Variants in ABCA2 observed in about 807,000 individuals in gnomAD.
The protein encoded by ABCA2 is ATP-binding cassette sub-family A member 2.
In ABCA2, 84 loss-of-function variants were observed where a neutral mutation model predicts 262.8. The observed-to-expected ratio is 0.32, with a 90% confidence interval of 0.27 to 0.38. ABCA2 has a LOEUF of 0.38. ABCA2 is among the 10% of genes least tolerant of loss of function. The pLI is 1.00. For missense variants in ABCA2, 2,662 were observed against 3,405.9 expected (o/e 0.78, Z 5.44); for synonymous variants, 1,696 against 1,502.9 (o/e 1.13, Z -2.97).
chr9:137,022,921 A>C lies in ABCA2; in HGVS notation c.275+20T>G. On this transcript the variant is annotated intron_variant, in intron 4 of 48. Transcript: ENST00000341511. ...GGGCTGGGGAGGGGTGGGTGCTCCG[A>C]GGGGCGGGTGGGCACTCACGTGGAG... is the stretch of plus-strand genomic sequence containing the variant. 6.9e-6 allele frequency: 2 copies of C among 291,718 alleles called. No homozygotes were observed. The highest frequency in any genetic ancestry group is 1.2e-5 in the Non-Finnish European group (2 of 170,976). The allele number at this position is 291,718 out of a possible 1,614,324, so 18.1% of individuals were successfully genotyped here.
Position 137,014,025 on chromosome 9 carries a change from C to A in ABCA2, c.4254G>T (p.Glu1418Asp). Residue 1418 changes from glutamate (E) to aspartate (D), a missense_variant, in exon 28 of 49, where the codon GAG becomes GAT. Physicochemically the swap from Glu to Asp is conservative, Grantham distance 45. This residue lies in a region of ABCA2 where 297 missense variants were observed against 286.5 expected (regional missense o/e 1.04). Coordinates refer to ENST00000341511, the MANE Select transcript of ABCA2 (RefSeq NM_001606.5). ...TGCCCTGGCCGACCCTCGACAGGGC[C>A]TCTGCCTCCACCTCTGTGCAGAGAG... is the stretch of plus-strand genomic sequence containing the variant. The part of the protein sequence containing the change: ...DNVSLQEVEA[E>D]ALSRVGQGSR... 1.2e-6 allele frequency: 2 copies of A among 1,611,100 alleles called. No individual in the cohort carries two copies. Among genetic ancestry groups the A allele is most frequent in the Non-Finnish European group, 1.7e-6 (2 of 1,179,820 alleles).
intron 14 of ABCA2, 27 bp downstream of exon 14, chr9:137,018,151 A>G: frequency 6.2e-7 from 1 of 1,610,570 alleles, no homozygotes; most frequent in Non-Finnish European, 8.5e-7. Context: ...TGAATCCTCC[A>G]GCCGGTCTTC....
intron 48 of ABCA2, 66 bp downstream of exon 48, chr9:137,008,350 G>A: frequency 1.3e-6 from 2 of 1,531,890 alleles, no homozygotes. Flanking sequence ...ACCCGCGGCT[G>A]GAGCCACCAG....
Position 137,019,340 on chromosome 9 carries a change from G to T in ABCA2, c.1426-34C>A. On this transcript the variant is annotated intron_variant, in intron 10 of 48. Transcript: ENST00000341511. The surrounding 1 kb of genome is among the most constrained non-coding windows in gnomAD (Gnocchi z 4.4). ...GGTGAGGCAGGGGCATGGAGTTTCT[G>T]GACGGACCCCCACCGACTTGGGGGC... 3 of 1,606,638 alleles carry T rather than the reference G, an allele frequency of 1.9e-6. No individual in the cohort carries two copies. The Admixed American group carries it at 5.0e-5, about 27-fold the overall frequency.
In ABCA2 at chr9:137,028,186, G is replaced by C; in HGVS notation, c.-46C>G. On this transcript the variant is annotated 5_prime_UTR_variant, in exon 1 of 49. Coordinates refer to ENST00000341511, the MANE Select transcript of ABCA2 (RefSeq NM_001606.5). The surrounding 1 kb of genome is among the most constrained non-coding windows in gnomAD (Gnocchi z 6.9). ...CCTCAGCGCCGCGGCCCGCTCCTCTGCGCGCCCCGCCGGGCCCCGCAGCCC... is the reference window on the plus strand; with the variant it reads ...CCTCAGCGCCGCGGCCCGCTCCTCTCCGCGCCCCGCCGGGCCCCGCAGCCC... The C allele has an allele frequency of 1.0e-6, 1 of 980,180 alleles. No individual in the cohort carries two copies. The highest frequency in any genetic ancestry group is 1.2e-6 in the Non-Finnish European group (1 of 827,836). The allele number at this position is 980,180 out of a possible 1,614,324, so 60.7% of individuals were successfully genotyped here.
rs772145705 is a variant in ABCA2 at position 137,016,385 on chromosome 9, T to G, written c.3010A>C (p.Lys1004Gln). The part of the protein sequence containing the change: ...DKLTKVYKDD[K>Q]KLALNKLSLN... Reference sequence around the variant, plus strand: ...CTCAGCTTGTTCAGGGCCAGCTTCTTGTCGTCCTTGTAGACCTTGGTGAGT... The same window carrying G: ...CTCAGCTTGTTCAGGGCCAGCTTCTGGTCGTCCTTGTAGACCTTGGTGAGT... Residue 1004 changes from lysine (K) to glutamine (Q), a missense_variant, in exon 21 of 49, where the codon AAG (lysine) becomes CAG (glutamine). Around this residue, in one of 12 missense-constraint regions of ABCA2, gnomAD observed 133 missense variants for 150.8 expected, o/e 0.88. Transcript: ENST00000341511. 2.5e-5 allele frequency: 40 copies of G among 1,612,924 alleles called. No homozygotes were observed. In the Middle Eastern group the frequency reaches 2.8e-3, roughly 113 times the overall value.
Position 137,015,104 on chromosome 9 carries a change from G to A in ABCA2, c.3698-7C>T. ...CTGGATGCCAGCCCTGGCTCTGTGG[G>A]GGACGTGGGAGCAGGAAGGAATTCA... On this transcript the variant is annotated splice_region_variant and splice_polypyrimidine_tract_variant and intron_variant, in intron 24 of 48. Transcript: ENST00000341511. 2 of 1,568,884 alleles carry A rather than the reference G, an allele frequency of 1.3e-6. No individual in the cohort carries two copies. Among genetic ancestry groups the A allele is most frequent in the Non-Finnish European group, 8.6e-7 (1 of 1,160,472 alleles).
chr9:137,018,857 C>A (rs201611333), intron 12 of ABCA2, 42 bp from the exon 13 acceptor site: 3 of 1,612,364 alleles, frequency 1.9e-6, no homozygotes, highest in Non-Finnish European at 2.5e-6. Flanking sequence ...TGGGCATGTG[C>A]GAGGCAGGGG....
chr9:137,019,427 T>A lies in ABCA2; in HGVS notation c.1426-121A>T. The A allele has an allele frequency of 6.3e-6, 6 of 948,192 alleles. No homozygotes were observed. Among genetic ancestry groups the A allele is most frequent in the Non-Finnish European group, 8.7e-6 (6 of 691,060 alleles). The allele number at this position is 948,192 out of a possible 1,614,324, so 58.7% of individuals were successfully genotyped here. A position where few individuals can be genotyped will look rare whatever the true frequency, so the allele number is the denominator to read the frequency against. On this transcript the variant is annotated intron_variant, in intron 10 of 48. Transcript: ENST00000341511. This position sits in a 1 kb window ranked among gnomAD's most constrained non-coding sequence, Gnocchi z 4.4. Reference sequence around the variant, plus strand: ...GCCAACAACTAACCCTCCCCACCTTTTTTTTTTTTTTTTTCCTGAGACAGG... The same window carrying A: ...GCCAACAACTAACCCTCCCCACCTTATTTTTTTTTTTTTTCCTGAGACAGG...
rs373472724 is a variant in ABCA2 at position 137,015,080 on chromosome 9, T to C, written c.3715A>G (p.Ser1239Gly). ...CTCAGCGGGGCCCGACCTGGGGGGCTGGATGCCAGCCCTGGCTCTGTGGGG... is the reference window on the plus strand; with the variant it reads ...CTCAGCGGGGCCCGACCTGGGGGGCCGGATGCCAGCCCTGGCTCTGTGGGG... ...GGPQEPGLASSPPGRAPLSSC... is the reference protein window; with the variant it reads ...GGPQEPGLASGPPGRAPLSSC... Residue 1239 changes from serine (S) to glycine (G), a missense_variant, in exon 25 of 49, where the codon AGC becomes GGC. Around this residue, in one of 12 missense-constraint regions of ABCA2, gnomAD observed 297 missense variants for 286.5 expected, o/e 1.04. Transcript: ENST00000341511. 11 of 1,593,702 alleles carry C rather than the reference T, an allele frequency of 6.9e-6. No individual in the cohort carries two copies. The Admixed American group carries it at 1.1e-4, about 15-fold the overall frequency.
chr9:137,015,813 C>T lies in ABCA2; in HGVS notation c.3376G>A (p.Gly1126Ser). The T allele has an allele frequency of 6.2e-7, 1 of 1,612,334 alleles. No individual in the cohort carries two copies. Among genetic ancestry groups the T allele is most frequent in the Non-Finnish European group, 8.5e-7 (1 of 1,179,776 alleles). The change falls in exon 23 of 49, where the codon GGT becomes AGT. Residue 1126 changes from glycine to serine, a missense_variant. This residue lies in a region of ABCA2 where 180 missense variants were observed against 307.3 expected (regional missense o/e 0.59). Transcript: ENST00000341511. ...KRHSLVQTLS[G>S]GMKRKLSVAI... ...ACGGACAGCTTGCGCTTCATGCCACCCGACAATGTCTGCACCAGTGAGTGC... is the reference window on the plus strand; with the variant it reads ...ACGGACAGCTTGCGCTTCATGCCACTCGACAATGTCTGCACCAGTGAGTGC...
Position 137,020,767 on chromosome 9 carries a change from T to C in ABCA2, c.1192A>G (p.Thr398Ala). Residue 398 changes from threonine to alanine, a missense_variant, in exon 9 of 49, where the codon ACG becomes GCG. By Grantham distance (58) the Thr-to-Ala change is moderately conservative. Transcript: ENST00000341511. The stretch of plus-strand genomic sequence containing the variant: ...AAGGCTGAGCACTGGCCCTGCAGCG[T>C]GTCCGGGGTGGCCAGTGCTGCAGCA... ...PSAAALATPDTLQGQCSAFVQ... is the reference protein window; with the variant it reads ...PSAAALATPDALQGQCSAFVQ... 1 of 1,597,126 alleles carries C rather than the reference T, an allele frequency of 6.3e-7. No individual in the cohort carries two copies. The highest frequency in any genetic ancestry group is 8.5e-7 in the Non-Finnish European group (1 of 1,175,012).
Position 137,008,606 on chromosome 9 carries a change from G to A in ABCA2, c.7085C>T (p.Ala2362Val). 6.3e-7 allele frequency: 1 copy of A among 1,582,772 alleles called. No homozygotes were observed. The highest frequency in any genetic ancestry group is 8.6e-7 in the Non-Finnish European group (1 of 1,164,000). ...TTLDNVFVNFAKKQSDNLEQQ... is the reference protein window; with the variant it reads ...TTLDNVFVNFVKKQSDNLEQQ... ...CTCCAGGTTGTCACTCTGCTTCTTG[G>A]CAAAGTTCACGAACACCTGGTGGGT... The change falls in exon 48 of 49, where the codon GCC becomes GTC. Residue 2362 changes from alanine to valine, a missense_variant. This residue lies in a region of ABCA2 where 212 missense variants were observed against 214.4 expected (regional missense o/e 0.99). Transcript: ENST00000341511.
chr9:137,023,164 GGAA>G, intron 3 of ABCA2, 112 bp from the exon 4 acceptor site: 1 of 875,344 alleles, frequency 1.1e-6, no homozygotes. Context: ...GAGAAAGTCA[GGAA>G]GGAGAAGCAG....
At chr9:137,028,627 C>T, upstream of ABCA2, 2 of 1,103,412 alleles carry the variant, frequency 1.8e-6, no homozygotes. The surrounding 1 kb of genome is among the most constrained non-coding windows in gnomAD (Gnocchi z 6.9). Context: ...CGGGGCGCGC[C>T]GAGCGGACGC....
At chr9:137,009,332 G>GGCCCCCC in intron 45 of ABCA2, 38 bp downstream of exon 45, 40 of 980,408 alleles carry the variant, frequency 4.1e-5, no homozygotes, top group Non-Finnish European at 5.4e-5. Flanking sequence ...CCCCCCCCGG[G>GGCCCCCC]CCCGCCCCAG....
rs558945179 is a variant in ABCA2 at position 137,019,518 on chromosome 9, G to A, written c.1426-212C>T. The A allele has an allele frequency of 1.7e-5, 9 of 544,198 alleles. No homozygotes were observed. The East Asian group carries it at 1.7e-4, about 10-fold the overall frequency. 33.7% of individuals were successfully genotyped at this position (544,198 alleles called of 1,614,324 possible). ...GCTCACTGCAGCCTCCACCTCCCAG[G>A]CTCAAGGGATCCTCCCGCCTCAGCC... On this transcript the variant is annotated intron_variant, in intron 10 of 48. Coordinates refer to ENST00000341511, the MANE Select transcript of ABCA2 (RefSeq NM_001606.5). The surrounding 1 kb of genome is among the most constrained non-coding windows in gnomAD (Gnocchi z 4.4).
chr9:137,009,742 G>A, intron 43 of ABCA2, 27 bp downstream of exon 43: 1 of 1,608,552 alleles, frequency 6.2e-7, no homozygotes, highest in South Asian at 1.1e-5. Context: ...AGGCCAGGCA[G>A]CCACCCCCCA....
In ABCA2 at chr9:137,016,639, G is replaced by T; in HGVS notation, c.2858C>A (p.Ala953Glu). 6.2e-7 allele frequency: 1 copy of T among 1,610,020 alleles called. No homozygotes were observed. ...TEAWEWSWPWARTPRLSVMEE... is the reference protein window; with the variant it reads ...TEAWEWSWPWERTPRLSVMEE... ...CATGACACTGAGGCGGGGGGTGCGT[G>T]CCCACGGCCAGCTCCACTCCCAGGC... Residue 953 changes from alanine (A) to glutamate (E), a missense_variant, in exon 20 of 49, where the codon GCA (alanine) becomes GAA (glutamate). By Grantham distance (107) the Ala-to-Glu change is moderately radical (BLOSUM62 -1). Transcript: ENST00000341511.
Sources: gnomAD v4.1 joint callset for allele counts on GRCh38, gnomAD v4.1.1 for gene constraint, gnomAD v4.1.1 regional missense constraint, Gnocchi (gnomAD v3.1) non-coding constraint, MANE v1.5 for transcripts, NCBI Gene and HGNC (gene_info 2026-07-23, HGNC 2026-07-21) for gene names.